CLDN14: variants seen among roughly 807,000 people sequenced by gnomAD.
The protein encoded by CLDN14 is claudin 14.
A neutral mutation model predicts 2.1 loss-of-function variants in CLDN14; 2 were observed. The ratio of observed to expected loss-of-function variants is 0.96; its 90% CI spans 0.39 to 3.01. The LOEUF is 3.01. Ranked by LOEUF, CLDN14 falls within the 30% of genes most tolerant of loss-of-function variation. The pLI, the probability that CLDN14 is intolerant of heterozygous loss-of-function variation, is 0.09. For synonymous variants in CLDN14, 136 were observed against 154.4 expected, an observed-to-expected ratio of 0.88 and a Z score of 0.88; for missense variants, 298 against 328.0, an observed-to-expected ratio of 0.91 and a Z score of 0.71.
intron 1 of CLDN14, among the ~76,000 whole-genome samples, chr21:36,466,867 G>T (rs565762475): frequency 1.3e-5 from 2 of 152,252 alleles, no homozygotes; most frequent in South Asian, 2.1e-4. Context: ...TAGAATGGGG[G>T]TACAGGCATT....
chr21:36,552,378 C>T (rs1383031312), intron 1 of CLDN14, among the ~76,000 whole-genome samples: 4 of 152,140 alleles, frequency 2.6e-5, no homozygotes, highest in African/African-American at 9.7e-5. Flanking sequence ...TATAAGATGC[C>T]CCATGTGAAA....
intron 1 of CLDN14, among the ~76,000 whole-genome samples, chr21:36,541,902 C>A (rs959960027): frequency 6.7e-6 from 1 of 149,434 alleles, no homozygotes; most frequent in Non-Finnish European, 1.5e-5. Flanking sequence ...TACCCCCCCC[C>A]AATCATGTGT....
upstream of CLDN14, among the ~76,000 whole-genome samples, chr21:36,482,912 G>T (rs953915903): frequency 2.0e-5 from 3 of 152,202 alleles, no homozygotes; most frequent in African/African-American, 7.2e-5. Context: ...CATTCTTTGT[G>T]TGCTAGCTGT....
intron 1 of CLDN14, among the ~76,000 whole-genome samples, chr21:36,575,986 A>G (rs1374526276): frequency 2.6e-5 from 4 of 152,190 alleles, no homozygotes; most frequent in Non-Finnish European, 5.9e-5. Flanking sequence ...TTGGAAATCG[A>G]TCTTGCTATT....
chr21:36,573,680 C>T (rs1363264227), intron 1 of CLDN14, among the ~76,000 whole-genome samples: 1 of 152,084 alleles, frequency 6.6e-6, no homozygotes, highest in East Asian at 1.9e-4. Flanking sequence ...ATCTATGAAT[C>T]TACAAAACTA....
intron 1 of CLDN14, among the ~76,000 whole-genome samples, chr21:36,528,827 T>A (rs1422500351): frequency 6.6e-6 from 1 of 152,176 alleles, no homozygotes; most frequent in Non-Finnish European, 1.5e-5. Flanking sequence ...AACAGCTTCC[T>A]CCCTCCTCCT....
intron 1 of CLDN14, among the ~76,000 whole-genome samples, chr21:36,567,896 A>G (rs553906007): frequency 6.6e-6 from 1 of 152,140 alleles, no homozygotes; most frequent in East Asian, 1.9e-4. Flanking sequence ...AGTACCATTT[A>G]TTTAGTACCT....
intron 1 of CLDN14, among the ~76,000 whole-genome samples, chr21:36,527,686 AG>A (rs1053403140): frequency 1.8e-4 from 28 of 152,246 alleles, no homozygotes; most frequent in African/African-American, 6.3e-4. Context: ...TCAACTGTCC[AG>A]GGAGAAAATA....
In CLDN14 at chr21:36,461,638, C is replaced by A; in HGVS notation, c.58G>T (p.Gly20Cys). The A allele has an allele frequency of 1.9e-6, 3 of 1,579,108 alleles. No homozygotes were observed. The highest frequency in any genetic ancestry group is 2.6e-6 in the Non-Finnish European group (3 of 1,163,246). The change falls in exon 2 of 2, where the codon GGC becomes TGC. Residue 20 changes from glycine to cysteine, a missense_variant. Physicochemically the swap from Gly to Cys is radical, Grantham distance 159. Transcript: ENST00000399135. Reference sequence around the variant, plus strand: ...GGCAGGATGGTGGTGATCAACGTGCCCACCATGCCCAGGAAGCTGAGCAGG... The same window carrying A: ...GGCAGGATGGTGGTGATCAACGTGCACACCATGCCCAGGAAGCTGAGCAGG... ...GFLLSFLGMV[G>C]TLITTILPHW...
chr21:36,559,440 G>A lies in CLDN14; in HGVS notation c.-220+16971C>T, dbSNP rs183231465. Among the ~76,000 whole-genome samples, 218 of 152,194 alleles carry A rather than the reference G, an allele frequency of 1.4e-3. 1 individual carries two copies. The highest frequency in any genetic ancestry group is 4.6e-3 in the African/African-American group (189 of 41,528). On this transcript the variant is annotated intron_variant, in intron 1 of 2. Transcript: ENST00000342108. ...TTGAACTCCTGACCTCAGGTGACCC[G>A]CCCACCTTGGCCCCACAAAGTGCTG...
At chr21:36,489,131 A>AAAATATATATATAT in intron 2 of CLDN14, among the ~76,000 whole-genome samples, 2 of 62,738 alleles carry the variant, frequency 3.2e-5, no homozygotes, top group Non-Finnish European at 6.0e-5. Flanking sequence ...AAAAAAAAAA[A>AAAATATATATATAT]ATATATATAT....
In CLDN14 at chr21:36,460,749, A is replaced by G. The variant is rs977406691; in HGVS notation, c.*227T>C. On this transcript the variant is annotated 3_prime_UTR_variant, in exon 2 of 2. Transcript: ENST00000399135. The surrounding 1 kb of genome is among the most constrained non-coding windows in gnomAD (Gnocchi z 4.0). ...CACATAAATATATATAATAAATACA[A>G]AAACAGACAGGATTTTTTTTTTCAG... The G allele has an allele frequency of 1.8e-6, 1 of 550,666 alleles. No homozygotes were observed. The highest frequency in any genetic ancestry group is 3.2e-6 in the Non-Finnish European group (1 of 310,954). 34.1% of individuals were successfully genotyped at this position (550,666 alleles called of 1,614,324 possible). A position where few individuals can be genotyped will look rare whatever the true frequency, so the allele number is the denominator to read the frequency against.
chr21:36,506,059 C>T (rs1313453528), intron 2 of CLDN14, among the ~76,000 whole-genome samples: 1 of 152,156 alleles, frequency 6.6e-6, no homozygotes, highest in African/African-American at 2.4e-5. Flanking sequence ...TAAGCAAAGA[C>T]ATAAATAATA....
intron 1 of CLDN14, among the ~76,000 whole-genome samples, chr21:36,529,006 C>G (rs1196914087): frequency 6.6e-6 from 1 of 152,208 alleles, no homozygotes; most frequent in Admixed American, 6.5e-5. Context: ...CTTAGTAACT[C>G]AAGCTTTTAT....
At chr21:36,492,468 A>AAAAAAAT (rs71198818) in intron 2 of CLDN14, among the ~76,000 whole-genome samples, 1 of 138,854 alleles carries the variant, frequency 7.2e-6, no homozygotes, top group Admixed American at 7.3e-5. Context: ...AAAAAAAAAA[A>AAAAAAAT]TGCAAAAATT....
At chr21:36,486,195 T>C in intron 2 of CLDN14, 1 of 1,007,350 alleles carries the variant, frequency 9.9e-7, no homozygotes, top group Non-Finnish European at 1.6e-6. Context: ...CTGGCATCAA[T>C]GTCTACTGAT....
intron 1 of CLDN14, among the ~76,000 whole-genome samples, chr21:36,531,294 T>G (rs954768128): frequency 3.3e-5 from 5 of 151,674 alleles, no homozygotes; most frequent in Non-Finnish European, 7.4e-5. Flanking sequence ...TATAAATGTT[T>G]TTTTTTTTTT....
At chr21:36,555,806 AGTGTGTGTGTGTGTGTGTGTGTGT>A (rs142473999) in intron 1 of CLDN14, among the ~76,000 whole-genome samples, 1 of 143,340 alleles carries the variant, frequency 7.0e-6, no homozygotes, top group Non-Finnish European at 1.5e-5. Context: ...TCTATAGGTC[AGTGTGTGTGTGTGTGTGTGTGTGT>A]GTGTGTGTGT....
intron 1 of CLDN14, among the ~76,000 whole-genome samples, chr21:36,550,946 A>G (rs364698): frequency 0.74 from 112,390 of 152,074 alleles, 42,936 homozygotes; most frequent in Non-Finnish European, 0.85. Context: ...CCCTGGAGCA[A>G]GATGGGCCCT....
Sources: allele counts gnomAD v4.1 joint callset (sites outside exome capture counted in the v4.1 genomes callset), GRCh38; gene constraint gnomAD v4.1.1; non-coding constraint Gnocchi (gnomAD v3.1); transcripts MANE v1.5; gene names NCBI Gene and HGNC (gene_info 2026-07-23, HGNC 2026-07-21).